Variants in NYAP1 observed in about 807,000 individuals in gnomAD.
NYAP1 encodes the protein neuronal tyrosine-phosphorylated phosphoinositide-3-kinase adapter 1.
Under a neutral mutation model 58.6 loss-of-function variants are expected in NYAP1, and 20 were observed. That is an observed-to-expected ratio of 0.34 (90% CI 0.24 to 0.50). NYAP1 has a LOEUF of 0.50. NYAP1 is among the 20% of genes least tolerant of loss of function. The pLI is 0.98. For synonymous variants in NYAP1, 572 were observed against 523.1 expected, an observed-to-expected ratio of 1.09 and a Z score of -1.27; for missense variants, 1,150 against 1,194.5, an observed-to-expected ratio of 0.96 and a Z score of 0.55.
At position 100,488,854 on chromosome 7, in the gene NYAP1, G is replaced by C; in HGVS notation, c.1133G>C (p.Arg378Pro). 1 of 1,598,334 alleles carries C rather than the reference G, an allele frequency of 6.3e-7. No individual in the cohort carries two copies. Among genetic ancestry groups the C allele is most frequent in the Non-Finnish European group, 8.5e-7 (1 of 1,174,204 alleles). ...GSTPAPQVPA[R>P]ERETPPPPPP... ...ACCCCAGCTCCCCAAGTGCCTGCAC[G>C]GGAGCGGGAGACGCCTCCCCCACCG... Residue 378 changes from arginine (R) to proline (P), a missense_variant, in exon 4 of 7, where the codon CGG (arginine) becomes CCG (proline). Coordinates refer to ENST00000300179, the MANE Select transcript of NYAP1 (RefSeq NM_173564.4). This position sits in a 1 kb window ranked among gnomAD's most constrained non-coding sequence, Gnocchi z 5.9.
Position 100,487,830 on chromosome 7 carries a change from C to T in NYAP1, c.431-322C>T, listed in dbSNP as rs147858213. On this transcript the variant is annotated intron_variant, in intron 3 of 6. Coordinates refer to ENST00000300179, the MANE Select transcript of NYAP1 (RefSeq NM_173564.4). The surrounding 1 kb of genome is among the most constrained non-coding windows in gnomAD (Gnocchi z 4.1). Reference sequence around the variant, plus strand: ...CCAATTAATTGACGTTTTAAAAAGACCAAGGGCTGACTAGTAGAAAAGGAA... The same window carrying T: ...CCAATTAATTGACGTTTTAAAAAGATCAAGGGCTGACTAGTAGAAAAGGAA... Among the ~76,000 whole-genome samples, 259 of 152,184 alleles carry T rather than the reference C, an allele frequency of 1.7e-3. 2 individuals carry two copies. The highest frequency in any genetic ancestry group is 6.0e-3 in the African/African-American group (248 of 41,528).
rs1799708304 is a variant in NYAP1 at position 100,486,741 on chromosome 7, C to A, written c.69-80C>A. 7.2e-7 allele frequency: 1 copy of A among 1,393,346 alleles called. No individual in the cohort carries two copies. Among genetic ancestry groups the A allele is most frequent in the Non-Finnish European group, 9.3e-7 (1 of 1,076,426 alleles). The allele number at this position is 1,393,346 out of a possible 1,614,324, so 86.3% of individuals were successfully genotyped here. On this transcript the variant is annotated intron_variant, in intron 2 of 6. Coordinates refer to ENST00000300179, the MANE Select transcript of NYAP1 (RefSeq NM_173564.4). The surrounding 1 kb of genome is among the most constrained non-coding windows in gnomAD (Gnocchi z 6.2). ...TCTTCCCTGGGAAGCCACAGGGTTGCTGACACCTCTTGGGGTGGAGAAGGG... is the reference window on the plus strand; with the variant it reads ...TCTTCCCTGGGAAGCCACAGGGTTGATGACACCTCTTGGGGTGGAGAAGGG...
intron 6 of NYAP1, among the ~76,000 whole-genome samples, chr7:100,491,654 G>A (rs1011565272): frequency 1.4e-4 from 21 of 152,028 alleles, no homozygotes; most frequent in African/African-American, 4.3e-4. Context: ...GCTTACGCCT[G>A]TAATCACAGC....
In NYAP1 at chr7:100,487,647, G is replaced by A. The variant is rs1283031840; in HGVS notation, c.430+465G>A. 1.3e-5 allele frequency among the ~76,000 whole-genome samples: 2 copies of A among 152,156 alleles called. No homozygotes were observed. Among genetic ancestry groups the A allele is most frequent in the African/African-American group, 2.4e-5 (1 of 41,440 alleles). ...CTCCCAGGTAGCTGGGATTACAGGC[G>A]TCCGTCACCACGCCCGGCTAATTTT... On this transcript the variant is annotated intron_variant, in intron 3 of 6. Coordinates refer to ENST00000300179, the MANE Select transcript of NYAP1 (RefSeq NM_173564.4). This position sits in a 1 kb window ranked among gnomAD's most constrained non-coding sequence, Gnocchi z 4.1.
chr7:100,485,281 G>GC lies in NYAP1; in HGVS notation c.-25dup. The GC allele has an allele frequency of 1.3e-6, 2 of 1,512,672 alleles. No individual in the cohort carries two copies. Among genetic ancestry groups the GC allele is most frequent in the Non-Finnish European group, 9.0e-7 (1 of 1,105,380 alleles). The allele number at this position is 1,512,672 out of a possible 1,614,324, so 93.7% of individuals were successfully genotyped here. Reference sequence around the variant, plus strand: ...CCCGGGCCTGGTGGCACTGAGCAGGGCCCCCCAGCCCCCACCTCCTGCCCC... The same window carrying GC: ...CCCGGGCCTGGTGGCACTGAGCAGGGCCCCCCCAGCCCCCACCTCCTGCCCC... On this transcript the variant is annotated 5_prime_UTR_variant, in exon 2 of 7. Transcript: ENST00000300179. The surrounding 1 kb of genome is among the most constrained non-coding windows in gnomAD (Gnocchi z 5.7).
In NYAP1 at chr7:100,490,575, G is replaced by C. The variant is rs770283094; in HGVS notation, c.2004G>C (p.Glu668Asp). The change falls in exon 5 of 7, where the codon GAG (glutamate) becomes GAC (aspartate). Residue 668 changes from glutamate to aspartate, a missense_variant. Coordinates refer to ENST00000300179, the MANE Select transcript of NYAP1 (RefSeq NM_173564.4). This position sits in a 1 kb window ranked among gnomAD's most constrained non-coding sequence, Gnocchi z 4.6. Reference sequence around the variant, plus strand: ...GTGCCGAGGGTCCAGGCAAGGTGGAGCGTGAGGACAGGGGCCCTGGGACAT... The same window carrying C: ...GTGCCGAGGGTCCAGGCAAGGTGGACCGTGAGGACAGGGGCCCTGGGACAT... ...NGSAEGPGKV[E>D]REDRGPGTSG... 1.3e-6 allele frequency: 2 copies of C among 1,585,856 alleles called. No homozygotes were observed. Among genetic ancestry groups the C allele is most frequent in the Middle Eastern group, 1.7e-4 (1 of 6,022 alleles).
intron 1 of NYAP1, among the ~76,000 whole-genome samples, chr7:100,484,426 C>T (rs1799677949): frequency 6.6e-6 from 1 of 152,048 alleles, no homozygotes; most frequent in South Asian, 2.1e-4. Context: ...TGATTGGGGC[C>T]ATCAGCGAGG....
intron 1 of NYAP1, among the ~76,000 whole-genome samples, chr7:100,484,889 TC>T (rs1420127148): frequency 6.6e-6 from 1 of 151,986 alleles, no homozygotes; most frequent in Non-Finnish European, 1.5e-5. Flanking sequence ...GGTCGGTGGC[TC>T]CGTGGTTTGT....
intron 6 of NYAP1, 102 bp from the exon 7 acceptor site, chr7:100,493,544 C>A: frequency 1.9e-6 from 2 of 1,052,334 alleles, no homozygotes; most frequent in Non-Finnish European, 2.7e-6. Flanking sequence ...CAAGGACTTG[C>A]TTCTGAGGGG....
Position 100,490,588 on chromosome 7 carries a change from G to T in NYAP1, c.2017G>T (p.Gly673Cys). 6.3e-7 allele frequency: 1 copy of T among 1,582,294 alleles called. No homozygotes were observed. Among genetic ancestry groups the T allele is most frequent in the South Asian group, 1.2e-5 (1 of 86,358 alleles). Reference protein sequence around the residue: ...GPGKVEREDRGPGTSGIPVRS... With the variant: ...GPGKVEREDRCPGTSGIPVRS... Reference sequence around the variant, plus strand: ...AGGCAAGGTGGAGCGTGAGGACAGGGGCCCTGGGACATCGGGGATCCCAGT... The same window carrying T: ...AGGCAAGGTGGAGCGTGAGGACAGGTGCCCTGGGACATCGGGGATCCCAGT... Residue 673 changes from glycine (G) to cysteine (C), a missense_variant, in exon 5 of 7, where the codon GGC (glycine) becomes TGC (cysteine). Physicochemically the swap from Gly to Cys is radical, Grantham distance 159. Transcript: ENST00000300179. The surrounding 1 kb of genome is among the most constrained non-coding windows in gnomAD (Gnocchi z 4.6).
intron 1 of NYAP1, among the ~76,000 whole-genome samples, chr7:100,484,219 G>A (rs979744374): frequency 6.6e-6 from 1 of 152,134 alleles, no homozygotes; most frequent in African/African-American, 2.4e-5. Context: ...TGTAAGGAGG[G>A]GCGCCTGGGA....
Position 100,485,477 on chromosome 7 carries a change from A to C in NYAP1, c.68+98A>C, listed in dbSNP as rs1584357824. Reference sequence around the variant, plus strand: ...CTCGGGGGCCGGCAGCCTTGTCATGAGTGAGCTCTCTGATCTCAGAGTCAG... The same window carrying C: ...CTCGGGGGCCGGCAGCCTTGTCATGCGTGAGCTCTCTGATCTCAGAGTCAG... On this transcript the variant is annotated intron_variant, in intron 2 of 6. Coordinates refer to ENST00000300179, the MANE Select transcript of NYAP1 (RefSeq NM_173564.4). This position sits in a 1 kb window ranked among gnomAD's most constrained non-coding sequence, Gnocchi z 5.7. 1 of 890,714 alleles carries C rather than the reference A, an allele frequency of 1.1e-6. No individual in the cohort carries two copies. The allele number at this position is 890,714 out of a possible 1,614,324, so 55.2% of individuals were successfully genotyped here.
rs1202761724 is a variant in NYAP1, at chr7:100,493,987, A to G, written c.*84A>G. The G allele has an allele frequency of 2.5e-6, 3 of 1,192,790 alleles. No individual in the cohort carries two copies. Among genetic ancestry groups the G allele is most frequent in the Admixed American group, 3.2e-5 (1 of 31,006 alleles). The allele number at this position is 1,192,790 out of a possible 1,614,324, so 73.9% of individuals were successfully genotyped here. On this transcript the variant is annotated 3_prime_UTR_variant, in exon 7 of 7. Coordinates refer to ENST00000300179, the MANE Select transcript of NYAP1 (RefSeq NM_173564.4). ...TCCCGGGAGCCTCGCCTTGAGAGAC[A>G]TTGAAAGACTACGTGGGAGAGTGCC... is the stretch of plus-strand genomic sequence containing the variant.
At chr7:100,491,444 A>C (rs1233514466) in intron 6 of NYAP1, among the ~76,000 whole-genome samples, 1 of 152,004 alleles carries the variant, frequency 6.6e-6, no homozygotes, top group East Asian at 1.9e-4. Flanking sequence ...AAAAAATGCA[A>C]AATGTAGTCA....
intron 6 of NYAP1, among the ~76,000 whole-genome samples, chr7:100,491,700 TCAGGAGTTTGAGAC>T (rs1799797786): frequency 6.6e-6 from 1 of 151,066 alleles, no homozygotes; most frequent in African/African-American, 2.4e-5. Context: ...TCACTTGAGG[TCAGGAGTTTGAGAC>T]CAGCCTGGCC....
chr7:100,485,289 G>A lies in NYAP1; in HGVS notation c.-23G>A. ...TGGTGGCACTGAGCAGGGCCCCCCA[G>A]CCCCCACCTCCTGCCCCACGAGATG... On this transcript the variant is annotated 5_prime_UTR_variant, in exon 2 of 7. Coordinates refer to ENST00000300179, the MANE Select transcript of NYAP1 (RefSeq NM_173564.4). The surrounding 1 kb of genome is among the most constrained non-coding windows in gnomAD (Gnocchi z 5.7). The A allele has an allele frequency of 2.1e-6, 3 of 1,458,386 alleles. No homozygotes were observed. Among genetic ancestry groups the A allele is most frequent in the South Asian group, 2.4e-5 (2 of 84,318 alleles). The allele number at this position is 1,458,386 out of a possible 1,614,324, so 90.3% of individuals were successfully genotyped here.
Position 100,493,656 on chromosome 7 carries a change from C to G in NYAP1, c.2279C>G (p.Ala760Gly), listed in dbSNP as rs758735867. 14 of 1,579,708 alleles carry G rather than the reference C, an allele frequency of 8.9e-6. No individual in the cohort carries two copies. Among genetic ancestry groups the G allele is most frequent in the Non-Finnish European group, 1.1e-5 (13 of 1,169,010 alleles). Residue 760 changes from alanine to glycine, a missense_variant, in exon 7 of 7, where the codon GCG becomes GGG. By Grantham distance (60) the Ala-to-Gly change is moderately conservative (BLOSUM62 0). Coordinates refer to ENST00000300179, the MANE Select transcript of NYAP1 (RefSeq NM_173564.4). The stretch of plus-strand genomic sequence containing the variant: ...CCGCCCGCGGCACAGCCCCACCCCG[C>G]GCTGCCGCTGCCTCTGCCCCTGCCG... The part of the protein sequence containing the change: ...PRDALSQPHP[A>G]LPLPLPLPPQ...
Position 100,491,240 on chromosome 7 carries a change from AC to A in NYAP1, c.2268+146del, listed in dbSNP as rs1671337284. 3 of 581,056 alleles carry A rather than the reference AC, an allele frequency of 5.2e-6. No homozygotes were observed. In the South Asian group the frequency reaches 7.2e-5, roughly 14 times the overall value. The allele number at this position is 581,056 out of a possible 1,614,324, so 36.0% of individuals were successfully genotyped here. A position where few individuals can be genotyped will look rare whatever the true frequency, so the allele number is the denominator to read the frequency against. ...TTTGGGAGGCCAAGGTGGGAGGGTC[AC>A]TTGAGGCCAGAAGTTCATTAGCTTG... On this transcript the variant is annotated intron_variant, in intron 6 of 6. Transcript: ENST00000300179.
rs1186219323 is a variant in NYAP1 at position 100,486,685 on chromosome 7, G to A, written c.69-136G>A. ...CCTTCATTGGTGCCCTGGACCTTCTGGCAACCCTGTCCCCACCCAGGCTCC... is the reference window on the plus strand; with the variant it reads ...CCTTCATTGGTGCCCTGGACCTTCTAGCAACCCTGTCCCCACCCAGGCTCC... On this transcript the variant is annotated intron_variant, in intron 2 of 6. Coordinates refer to ENST00000300179, the MANE Select transcript of NYAP1 (RefSeq NM_173564.4). This position sits in a 1 kb window ranked among gnomAD's most constrained non-coding sequence, Gnocchi z 6.2. 1.9e-6 allele frequency: 2 copies of A among 1,048,552 alleles called. No individual in the cohort carries two copies. Among genetic ancestry groups the A allele is most frequent in the Admixed American group, 3.5e-5 (1 of 28,502 alleles). The allele number at this position is 1,048,552 out of a possible 1,614,324, so 65.0% of individuals were successfully genotyped here.
Sources: allele counts gnomAD v4.1 joint callset (sites outside exome capture counted in the v4.1 genomes callset), GRCh38; gene constraint gnomAD v4.1.1; non-coding constraint Gnocchi (gnomAD v3.1); transcripts MANE v1.5; gene names NCBI Gene and HGNC (gene_info 2026-07-23, HGNC 2026-07-21).